ESF1: variants seen among roughly 807,000 people sequenced by gnomAD.
ESF1 encodes the protein ESF1 homolog.
In ESF1, 58 loss-of-function variants were observed where a neutral mutation model predicts 92.0. That is an observed-to-expected ratio of 0.63 (90% CI 0.51 to 0.78). The LOEUF (loss-of-function observed/expected upper bound fraction) is 0.78. Among genes scored for constraint, ESF1 ranks in the 30% least tolerant of loss-of-function variants. The pLI is 0.00. For synonymous variants in ESF1, 321 were observed against 313.7 expected (o/e 1.02, Z -0.24); for missense variants, 922 against 989.1 (o/e 0.93, Z 0.91).
chr20:13,770,896 A>C (rs1979652695), intron 6 of ESF1, among the ~76,000 whole-genome samples: 1 of 152,238 alleles, frequency 6.6e-6, no homozygotes, highest in African/African-American at 2.4e-5. Context: ...TGACTACGCA[A>C]CTGACTTATA....
At chr20:13,749,245 T>C (rs1204762177) in intron 9 of ESF1, among the ~76,000 whole-genome samples, 1 of 130,774 alleles carries the variant, frequency 7.6e-6, no homozygotes, top group Non-Finnish European at 1.6e-5. Context: ...TTTTTTTTTT[T>C]TTTTTTTTTT....
chr20:13,784,699 C>T, intron 1 of ESF1, 181 bp downstream of exon 1: 1 of 249,680 alleles, frequency 4.0e-6, no homozygotes, highest in East Asian at 1.0e-4. Flanking sequence ...GAGAAGCGAC[C>T]CTGAAAAGGA....
At chr20:13,724,693 C>A (rs1479351786) in intron 11 of ESF1, among the ~76,000 whole-genome samples, 1 of 152,098 alleles carries the variant, frequency 6.6e-6, no homozygotes, top group African/African-American at 2.4e-5. Context: ...TCCAGTTATA[C>A]CATAGGAAGT....
At chr20:13,784,725 G>C in intron 1 of ESF1, 155 bp downstream of exon 1, 1 of 323,016 alleles carries the variant, frequency 3.1e-6, no homozygotes, top group Non-Finnish European at 5.9e-6. Flanking sequence ...GAAGACTGAA[G>C]AATGAGACCG....
chr20:13,782,768 A>G lies in ESF1; in HGVS notation c.373T>C (p.Ser125Pro). The G allele has an allele frequency of 6.3e-7, 1 of 1,599,788 alleles. No individual in the cohort carries two copies. The highest frequency in any genetic ancestry group is 8.5e-7 in the Non-Finnish European group (1 of 1,176,572). Residue 125 changes from serine (S) to proline (P), a missense_variant, in exon 2 of 14, where the codon TCT becomes CCT. Physicochemically the swap from Ser to Pro is moderately conservative, Grantham distance 74. Coordinates refer to ENST00000617257, the MANE Select transcript of ESF1 (RefSeq NM_001276380.2). ...KETKKANHKG[S>P]ENKTDLDNSI... ...TTATCTAAATCAGTTTTATTTTCAGAACCCTTGTGATTAGCCTTCTTGGTT... is the reference window on the plus strand; with the variant it reads ...TTATCTAAATCAGTTTTATTTTCAGGACCCTTGTGATTAGCCTTCTTGGTT...
chr20:13,741,519 T>C (rs2050013599), intron 9 of ESF1, among the ~76,000 whole-genome samples: 2 of 152,100 alleles, frequency 1.3e-5, no homozygotes. Context: ...CTCTGGTACA[T>C]GAGAGGTGAC....
chr20:13,738,317 CTT>C (rs33948226), intron 9 of ESF1, among the ~76,000 whole-genome samples: 1 of 144,520 alleles, frequency 6.9e-6, no homozygotes. Context: ...CTCTCCTAAA[CTT>C]TTTTTTTTTT....
intron 9 of ESF1, among the ~76,000 whole-genome samples, chr20:13,755,113 T>C (rs1978829302): frequency 1.3e-5 from 2 of 152,206 alleles, no homozygotes; most frequent in South Asian, 4.1e-4. Context: ...TTTTTATGTT[T>C]TGTTCACACA....
At chr20:13,781,222 T>C (rs2147452134) in intron 2 of ESF1, among the ~76,000 whole-genome samples, 1 of 152,336 alleles carries the variant, frequency 6.6e-6, no homozygotes, top group East Asian at 1.9e-4. Flanking sequence ...TAGTCACATG[T>C]GGTAACGGAG....
intron 11 of ESF1, among the ~76,000 whole-genome samples, chr20:13,721,897 T>A (rs558410350): frequency 1.3e-5 from 2 of 152,128 alleles, no homozygotes; most frequent in Non-Finnish European, 2.9e-5. Context: ...GAGTATAATC[T>A]TTCTCTGTCT....
At chr20:13,730,484 T>C (rs545950243) in intron 10 of ESF1, among the ~76,000 whole-genome samples, 12 of 149,776 alleles carry the variant, frequency 8.0e-5, no homozygotes, top group South Asian at 2.1e-4. Flanking sequence ...CCCGGATTCA[T>C]GCCATTCTCC....
chr20:13,774,677 G>T (rs1177176967), intron 4 of ESF1, among the ~76,000 whole-genome samples: 1 of 152,110 alleles, frequency 6.6e-6, no homozygotes, highest in Non-Finnish European at 1.5e-5. Context: ...TGCAAAGCCT[G>T]GATTCTTAAT....
In ESF1 at chr20:13,759,798, A is replaced by G. The variant is rs76306270; in HGVS notation, c.1722T>C (p.Asp574=). The change falls in exon 9 of 14, where the codon GAT becomes GAC. Residue 574 remains aspartate (D), a synonymous_variant. Transcript: ENST00000617257. ...TGTATTTAGCAATTTGTTCTTCATC[A>G]TCCTTCTGACTTTTCTTTGTTTTCC... ...EDGKTKKSQK[D]DEEQIAKYRQ... is the part of the protein sequence containing the mutation. 1.9e-6 allele frequency: 3 copies of G among 1,595,108 alleles called. No homozygotes were observed. The highest frequency in any genetic ancestry group is 1.4e-5 in the African/African-American group (1 of 73,434).
In ESF1 at chr20:13,715,176, C is replaced by CAA; in HGVS notation, c.2263-10_2263-9insTT. The CAA allele has an allele frequency of 2.9e-6, 4 of 1,389,384 alleles. No individual in the cohort carries two copies. The highest frequency in any genetic ancestry group is 3.8e-6 in the Non-Finnish European group (4 of 1,062,584). 86.1% of individuals were successfully genotyped at this position (1,389,384 alleles called of 1,614,324 possible). On this transcript the variant is annotated splice_polypyrimidine_tract_variant and intron_variant, in intron 13 of 13. Coordinates refer to ENST00000617257, the MANE Select transcript of ESF1 (RefSeq NM_001276380.2). ...GCATCGTTAACATTTACCTGCAAATCCAAAAAAAAAAAAAATTAATAAATT... is the reference window on the plus strand; with the variant it reads ...GCATCGTTAACATTTACCTGCAAATCAACAAAAAAAAAAAAAATTAATAAATT...
chr20:13,715,177 CAAAA>C lies in ESF1; in HGVS notation c.2263-14_2263-11del. ...CATCGTTAACATTTACCTGCAAATC[CAAAA>C]AAAAAAAAAATTAATAAATTAATTA... On this transcript the variant is annotated splice_polypyrimidine_tract_variant and intron_variant, in intron 13 of 13. Transcript: ENST00000617257. 3 of 1,198,782 alleles carry C rather than the reference CAAAA, an allele frequency of 2.5e-6. No individual in the cohort carries two copies. Among genetic ancestry groups the C allele is most frequent in the Admixed American group, 3.0e-5 (1 of 33,802 alleles). 74.3% of individuals were successfully genotyped at this position (1,198,782 alleles called of 1,614,324 possible). A position where few individuals can be genotyped will look rare whatever the true frequency, so the allele number is the denominator to read the frequency against.
At chr20:13,725,224 G>C (rs147584886) in intron 11 of ESF1, among the ~76,000 whole-genome samples, 4 of 152,030 alleles carry the variant, frequency 2.6e-5, no homozygotes, top group African/African-American at 7.2e-5. Flanking sequence ...AAACCAATCA[G>C]GTAAATCCCT....
intron 9 of ESF1, among the ~76,000 whole-genome samples, chr20:13,744,610 C>T (rs1247317178): frequency 2.0e-5 from 3 of 152,166 alleles, no homozygotes; most frequent in East Asian, 3.9e-4. Flanking sequence ...CCACACTGGC[C>T]TCCTTATTAT....
intron 10 of ESF1, among the ~76,000 whole-genome samples, chr20:13,731,112 A>T (rs1234966380): frequency 6.6e-6 from 1 of 152,132 alleles, no homozygotes; most frequent in Non-Finnish European, 1.5e-5. Flanking sequence ...AAATGAATGG[A>T]AAAAGTAAAA....
chr20:13,780,729 A>G (rs867872168), intron 2 of ESF1, among the ~76,000 whole-genome samples: 1 of 152,244 alleles, frequency 6.6e-6, no homozygotes, highest in Non-Finnish European at 1.5e-5. Context: ...GGTCTGGCTC[A>G]TGTGAACTAC....
Sources: allele counts gnomAD v4.1 joint callset (sites outside exome capture counted in the v4.1 genomes callset), GRCh38; gene constraint gnomAD v4.1.1; transcripts MANE v1.5; gene names NCBI Gene and HGNC (gene_info 2026-07-23, HGNC 2026-07-21).